Variants in SPRING1 observed in about 807,000 individuals in gnomAD.
SPRING1 encodes SREBP regulating gene protein.
Under a neutral mutation model 24.7 loss-of-function variants are expected in SPRING1, and 14 were observed. That is an observed-to-expected ratio of 0.57 (90% CI 0.37 to 0.88). The LOEUF (loss-of-function observed/expected upper bound fraction) is 0.88, where lower values mean the gene tolerates loss of function less well. Among genes scored for constraint, SPRING1 ranks in the 40% least tolerant of loss-of-function variants. The pLI, the probability that SPRING1 is intolerant of heterozygous loss-of-function variation, is 0.00. For synonymous variants in SPRING1, 93 were observed against 106.1 expected (o/e 0.88, Z 0.76); for missense variants, 255 against 268.4 (o/e 0.95, Z 0.35).
chr12:116,736,865 G>C (rs1036376020), intron 1 of SPRING1, among the ~76,000 whole-genome samples: 1 of 152,154 alleles, frequency 6.6e-6, no homozygotes, highest in African/African-American at 2.4e-5. Flanking sequence ...TGCACAAAAA[G>C]CATAAAAGGA....
chr12:116,723,724 G>T (rs549640250), intron 1 of SPRING1, among the ~76,000 whole-genome samples: 1 of 152,160 alleles, frequency 6.6e-6, no homozygotes, highest in Non-Finnish European at 1.5e-5. Context: ...GAAGACGTTT[G>T]GGAAAACGTG....
At chr12:116,736,018 G>GCAA (rs35374975) in intron 1 of SPRING1, among the ~76,000 whole-genome samples, 116,953 of 130,592 alleles carry the variant, frequency 0.9, 52,536 homozygotes, top group East Asian at 0.99. Context: ...TCCAGCCTGG[G>GCAA]CAAGAGCAAA....
intron 1 of SPRING1, among the ~76,000 whole-genome samples, chr12:116,729,772 C>T (rs1870882469): frequency 6.6e-6 from 1 of 152,158 alleles, no homozygotes; most frequent in African/African-American, 2.4e-5. Flanking sequence ...ATAGGCAAAA[C>T]TATAGAAACA....
At chr12:116,725,702 A>G (rs993017357) in intron 1 of SPRING1, among the ~76,000 whole-genome samples, 6 of 152,146 alleles carry the variant, frequency 3.9e-5, no homozygotes, top group African/African-American at 4.8e-5. Context: ...TGGCTAACAC[A>G]GTGAAACCCC....
At chr12:116,719,122 G>C (rs191450625) in intron 4 of SPRING1, among the ~76,000 whole-genome samples, 56 of 152,338 alleles carry the variant, frequency 3.7e-4, no homozygotes, top group African/African-American at 1.3e-3. Flanking sequence ...TTTACAAAGA[G>C]AGCTATGACA....
At chr12:116,732,653 C>A (rs973067586) in intron 1 of SPRING1, among the ~76,000 whole-genome samples, 4 of 152,254 alleles carry the variant, frequency 2.6e-5, no homozygotes, top group Admixed American at 2.6e-4. Flanking sequence ...GTTGCAGTGA[C>A]CTGAGATTGC....
rs1365150892 is a variant in SPRING1, at chr12:116,717,556, G to A, written c.*254C>T. 6 of 372,744 alleles carry A rather than the reference G, an allele frequency of 1.6e-5. No individual in the cohort carries two copies. Among genetic ancestry groups the A allele is most frequent in the East Asian group, 4.8e-5 (1 of 20,784 alleles). The allele number at this position is 372,744 out of a possible 1,614,324, so 23.1% of individuals were successfully genotyped here. A position where few individuals can be genotyped will look rare whatever the true frequency, so the allele number is the denominator to read the frequency against. On this transcript the variant is annotated 3_prime_UTR_variant, in exon 5 of 5. Transcript: ENST00000261318. The surrounding 1 kb of genome is among the most constrained non-coding windows in gnomAD (Gnocchi z 4.2). ...AGAACTCCACCACCACCGTGAGCCC[G>A]GCCTCCGGTTTCATCTTTCCCGAAT...
At chr12:116,729,279 C>G (rs1870861389) in intron 1 of SPRING1, among the ~76,000 whole-genome samples, 1 of 152,202 alleles carries the variant, frequency 6.6e-6, no homozygotes, top group Non-Finnish European at 1.5e-5. Flanking sequence ...AAAGGGAGGA[C>G]TACTTTAACA....
Position 116,726,798 on chromosome 12 carries a change from A to G in SPRING1, c.112-3575T>C, listed in dbSNP as rs1592920430. On this transcript the variant is annotated intron_variant, in intron 1 of 4. Transcript: ENST00000261318. ...TAAACTGGATTTTACGACAAGGTTA[A>G]AAGTGCTCTTAACATTACTCCCACG... 2.0e-5 allele frequency among the ~76,000 whole-genome samples: 3 copies of G among 152,352 alleles called. No individual in the cohort carries two copies. In the East Asian group the frequency reaches 5.8e-4, roughly 29 times the overall value.
intron 1 of SPRING1, among the ~76,000 whole-genome samples, chr12:116,732,901 C>A (rs1041303484): frequency 6.6e-6 from 1 of 152,128 alleles, no homozygotes; most frequent in Non-Finnish European, 1.5e-5. Context: ...GGAATTCCTA[C>A]AAAGTGACAG....
chr12:116,725,607 C>T (rs143137949), intron 1 of SPRING1, among the ~76,000 whole-genome samples: 1,993 of 152,184 alleles, frequency 0.013, 44 homozygotes, highest in African/African-American at 0.044. Flanking sequence ...CTTTTCTGGC[C>T]GGGCGCCATG....
rs1046475346 is a variant in SPRING1 at position 116,728,661 on chromosome 12, C to T, written c.112-5438G>A. Reference sequence around the variant, plus strand: ...CTCACCGCAGCGGAGCTAAGGTGCACGGGGAGCTTCACAGTGTTCATAGCG... The same window carrying T: ...CTCACCGCAGCGGAGCTAAGGTGCATGGGGAGCTTCACAGTGTTCATAGCG... On this transcript the variant is annotated intron_variant, in intron 1 of 4. Coordinates refer to ENST00000261318, the MANE Select transcript of SPRING1 (RefSeq NM_024738.4). The surrounding 1 kb of genome is among the most constrained non-coding windows in gnomAD (Gnocchi z 4.2). 2.6e-5 allele frequency among the ~76,000 whole-genome samples: 4 copies of T among 152,230 alleles called. No individual in the cohort carries two copies. The highest frequency in any genetic ancestry group is 9.6e-5 in the African/African-American group (4 of 41,466).
intron 2 of SPRING1, among the ~76,000 whole-genome samples, chr12:116,722,485 T>C (rs1246961857): frequency 6.6e-6 from 1 of 152,244 alleles, no homozygotes; most frequent in Non-Finnish European, 1.5e-5. Context: ...TGTCATCTTA[T>C]GGAAGTAACT....
chr12:116,734,187 C>T (rs1433887247), intron 1 of SPRING1, among the ~76,000 whole-genome samples: 2 of 152,140 alleles, frequency 1.3e-5, no homozygotes, highest in African/African-American at 2.4e-5. Context: ...CATTTTATAT[C>T]TTTTATACAG....
intron 1 of SPRING1, among the ~76,000 whole-genome samples, chr12:116,727,494 T>C (rs1037356587): frequency 1.3e-5 from 2 of 152,188 alleles, no homozygotes; most frequent in African/African-American, 4.8e-5. Context: ...TCAGGAGTTA[T>C]CACAGGTCAA....
At position 116,720,254 on chromosome 12, in the gene SPRING1, A is replaced by G; in HGVS notation, c.420+42T>C. 6.4e-7 allele frequency: 1 copy of G among 1,560,764 alleles called. No individual in the cohort carries two copies. The highest frequency in any genetic ancestry group is 8.6e-7 in the Non-Finnish European group (1 of 1,159,196). On this transcript the variant is annotated intron_variant, in intron 3 of 4. Coordinates refer to ENST00000261318, the MANE Select transcript of SPRING1 (RefSeq NM_024738.4). This position sits in a 1 kb window ranked among gnomAD's most constrained non-coding sequence, Gnocchi z 4.0. ...AATGCTCATCATAAAACAGAGGCCG[A>G]AAGAAAAAAGGAGCCGCAGAACCAG... is the stretch of plus-strand genomic sequence containing the variant.
At position 116,720,150 on chromosome 12, in the gene SPRING1, G is replaced by A. The variant is rs1195109757; in HGVS notation, c.420+146C>T. 6.5e-6 allele frequency: 7 copies of A among 1,076,166 alleles called. No individual in the cohort carries two copies. The highest frequency in any genetic ancestry group is 9.2e-6 in the Non-Finnish European group (7 of 763,716). 66.7% of individuals were successfully genotyped at this position (1,076,166 alleles called of 1,614,324 possible). On this transcript the variant is annotated intron_variant, in intron 3 of 4. Transcript: ENST00000261318. This position sits in a 1 kb window ranked among gnomAD's most constrained non-coding sequence, Gnocchi z 4.0. ...AACCACCTCCTTTCCTTAGATAAAA[G>A]CTATTGTGCAGCAATTTCTGACACC... is the stretch of plus-strand genomic sequence containing the variant.
Position 116,713,338 on chromosome 12 carries a change from T to C in SPRING1, c.*4472A>G, listed in dbSNP as rs550286969. 7.9e-5 allele frequency: 12 copies of C among 152,380 alleles called. No homozygotes were observed. Among genetic ancestry groups the C allele is most frequent in the African/African-American group, 2.9e-4 (12 of 41,582 alleles). 9.4% of individuals were successfully genotyped at this position (152,380 alleles called of 1,614,324 possible). A position where few individuals can be genotyped will look rare whatever the true frequency, so the allele number is the denominator to read the frequency against. ...CAAAGGCTGCTTTCATATAAAAATG[T>C]ACTGTAGTAATCAGTAAGAAAAAGA... On this transcript the variant is annotated 3_prime_UTR_variant, in exon 5 of 5. Coordinates refer to ENST00000261318, the MANE Select transcript of SPRING1 (RefSeq NM_024738.4).
intron 2 of SPRING1, among the ~76,000 whole-genome samples, chr12:116,722,859 G>A (rs1473804989): frequency 6.6e-6 from 1 of 152,234 alleles, no homozygotes; most frequent in Non-Finnish European, 1.5e-5. Context: ...ACTTTTAAGA[G>A]TTAGAGTTAT....
Sources: gnomAD v4.1 joint callset for allele counts (sites outside exome capture counted in the v4.1 genomes callset) on GRCh38, gnomAD v4.1.1 for gene constraint, Gnocchi (gnomAD v3.1) non-coding constraint, MANE v1.5 for transcripts, NCBI Gene and HGNC (gene_info 2026-07-23, HGNC 2026-07-21) for gene names.